WNK1: variants seen among roughly 807,000 people sequenced by gnomAD.
The protein encoded by WNK1 is serine/threonine-protein kinase WNK1.
Under a neutral mutation model 222.8 loss-of-function variants are expected in WNK1, and 38 were observed. The ratio of observed to expected loss-of-function variants is 0.17; its 90% confidence interval spans 0.13 to 0.22. WNK1 has a LOEUF of 0.22. Ranked by LOEUF, WNK1 falls within the 10% of genes least tolerant of loss-of-function variation. The pLI, the probability that WNK1 is intolerant of heterozygous loss-of-function variation, is 1.00. For synonymous variants in WNK1, 1,090 were observed against 1,092.9 expected, an observed-to-expected ratio of 1.00 and a Z score of 0.05; for missense variants, 2,348 against 2,918.4, an observed-to-expected ratio of 0.80 and a Z score of 4.50.
At chr12:906,203 A>G in intron 26 of WNK1, 2 of 701,852 alleles carry the variant, frequency 2.8e-6, no homozygotes, top group Non-Finnish European at 3.5e-6. Flanking sequence ...AGGAGCTTTT[A>G]TTTATTCTGT....
At position 911,246 on chromosome 12, in the gene WNK1, T is replaced by C. The variant is rs1173316969; in HGVS notation, c.*2454T>C. The C allele has an allele frequency of 2.5e-6, 1 of 398,468 alleles. No homozygotes were observed. Among genetic ancestry groups the C allele is most frequent in the Non-Finnish European group, 4.4e-6 (1 of 226,046 alleles). 24.7% of individuals were successfully genotyped at this position (398,468 alleles called of 1,614,324 possible). A position where few individuals can be genotyped will look rare whatever the true frequency, so the allele number is the denominator to read the frequency against. On this transcript the variant is annotated 3_prime_UTR_variant, in exon 28 of 28. Transcript: ENST00000315939. ...TAAAAACTTTCTGAATTATAAATGT[T>C]TTCCTTACATTATTTAACAATGTAC...
At chr12:906,401 A>G in intron 26 of WNK1, 1 of 985,262 alleles carries the variant, frequency 1.0e-6, no homozygotes, top group Non-Finnish European at 1.2e-6. Flanking sequence ...CCTTCATCAT[A>G]ACCGCAAAGC....
intron 4 of WNK1, among the ~76,000 whole-genome samples, chr12:846,296 A>C (rs1441080318): frequency 2.6e-5 from 4 of 152,188 alleles, no homozygotes; most frequent in African/African-American, 9.7e-5. Flanking sequence ...AGTCTATGCC[A>C]CTGATAATGA....
chr12:900,663 A>C lies in WNK1; in HGVS notation c.6636A>C (p.Pro2212=). The change falls in exon 26 of 28, where the codon CCA becomes CCC. Residue 2212 remains proline, a synonymous_variant. Coordinates refer to ENST00000315939, the MANE Select transcript of WNK1 (RefSeq NM_018979.4). The part of the protein sequence containing the change: ...GAISVPSLSA[P]GQGTSSTNTV... ...TTTCAGTACCAAGCCTTTCTGCTCCAGGTCAAGGTAATAAAGCAACCATCA... is the reference window on the plus strand; with the variant it reads ...TTTCAGTACCAAGCCTTTCTGCTCCCGGTCAAGGTAATAAAGCAACCATCA... 6.2e-7 allele frequency: 1 copy of C among 1,614,212 alleles called. No homozygotes were observed. The highest frequency in any genetic ancestry group is 1.6e-4 in the Middle Eastern group (1 of 6,062).
chr12:807,223 C>T (rs894301724), intron 1 of WNK1, among the ~76,000 whole-genome samples: 10 of 151,182 alleles, frequency 6.6e-5, no homozygotes, highest in African/African-American at 2.4e-4. Flanking sequence ...CTTTGGGAGG[C>T]CAAGGCAGAG....
intron 1 of WNK1, among the ~76,000 whole-genome samples, chr12:804,383 T>C (rs970460740): frequency 2.4e-4 from 37 of 152,066 alleles, no homozygotes; most frequent in African/African-American, 8.5e-4. Context: ...CTATCATCCA[T>C]ATCTAGAACT....
At chr12:848,781 A>G (rs1367402530) in intron 4 of WNK1, among the ~76,000 whole-genome samples, 1 of 152,020 alleles carries the variant, frequency 6.6e-6, no homozygotes, top group Non-Finnish European at 1.5e-5. Flanking sequence ...AGATATGTAA[A>G]CTGTTATCTG....
chr12:908,467 G>A lies in WNK1; in HGVS notation c.6832-8G>A, dbSNP rs772178712. ...ACCAGACTTGACACGTGGTGGTTTT[G>A]TTTTCAGGGCCCTGGAATGGCAAGG... On this transcript the variant is annotated splice_polypyrimidine_tract_variant and splice_region_variant and intron_variant, in intron 27 of 27. Coordinates refer to ENST00000315939, the MANE Select transcript of WNK1 (RefSeq NM_018979.4). 5 of 1,614,050 alleles carry A rather than the reference G, an allele frequency of 3.1e-6. No homozygotes were observed. In the African/African-American group the frequency reaches 6.7e-5, roughly 22 times the overall value.
chr12:875,541 G>T (rs1952528698), intron 9 of WNK1, among the ~76,000 whole-genome samples: 1 of 152,086 alleles, frequency 6.6e-6, no homozygotes, highest in South Asian at 2.1e-4. Flanking sequence ...CTATTCTGAG[G>T]ACTGTATGTG....
intron 1 of WNK1, among the ~76,000 whole-genome samples, chr12:806,471 T>C (rs1169074711): frequency 2.0e-5 from 3 of 152,198 alleles, no homozygotes; most frequent in East Asian, 3.8e-4. Context: ...TGAAGATTCT[T>C]GTACTTCAGC....
In WNK1 at chr12:777,194, C is replaced by T. The variant is rs557848759; in HGVS notation, c.759+22870C>T. 9.2e-5 allele frequency among the ~76,000 whole-genome samples: 13 copies of T among 141,698 alleles called. No individual in the cohort carries two copies. In the South Asian group the frequency reaches 1.8e-3, roughly 19 times the overall value. The allele number at this position is 141,698 out of a possible 152,430, so 93.0% of individuals were successfully genotyped here. On this transcript the variant is annotated intron_variant, in intron 1 of 27. Coordinates refer to ENST00000315939, the MANE Select transcript of WNK1 (RefSeq NM_018979.4). ...TGTTTTTTTTTTTGAGATGGAGTCT[C>T]GCTCTGTCACCAGGCTGGAGTGCAG...
intron 1 of WNK1, among the ~76,000 whole-genome samples, chr12:803,445 G>A (rs1381844444): frequency 6.6e-6 from 1 of 152,252 alleles, no homozygotes; most frequent in East Asian, 1.9e-4. Context: ...CTCTGGGGAT[G>A]TGGAGAGAAG....
chr12:793,856 C>T (rs1945063360), intron 1 of WNK1, among the ~76,000 whole-genome samples: 1 of 151,988 alleles, frequency 6.6e-6, no homozygotes, highest in South Asian at 2.1e-4. Context: ...ATTGTGCAAC[C>T]ATCACAGTAC....
chr12:869,164 A>G (rs1197817125), intron 8 of WNK1: 6 of 1,582,114 alleles, frequency 3.8e-6, no homozygotes, highest in Non-Finnish European at 4.3e-6. Context: ...TAACATTTAA[A>G]TTTTCTATTC....
At chr12:811,829 A>G (rs985117610) in intron 1 of WNK1, among the ~76,000 whole-genome samples, 1 of 152,172 alleles carries the variant, frequency 6.6e-6, no homozygotes, top group African/African-American at 2.4e-5. Flanking sequence ...GTTGTCATGC[A>G]TCTGTATTTC....
chr12:754,095 A>G lies in WNK1; in HGVS notation c.530A>G (p.Glu177Gly). 6.2e-7 allele frequency: 1 copy of G among 1,611,038 alleles called. No homozygotes were observed. The highest frequency in any genetic ancestry group is 8.5e-7 in the Non-Finnish European group (1 of 1,179,386). ...CCTAGCCTTGTGGGGAGCAAAGAGG[A>G]GCCGCCGCCGGCGAGAAGTGGCAGC... ...SQPSLVGSKE[E>G]PPPARSGSGG... Residue 177 changes from glutamate (E) to glycine (G), a missense_variant, in exon 1 of 28, where the codon GAG becomes GGG. Glu to Gly is a moderately conservative substitution (Grantham distance 98, BLOSUM62 -2). Transcript: ENST00000315939.
rs369948056 is a variant in WNK1 at position 825,229 on chromosome 12, A to G, written c.933-1813A>G. Reference sequence around the variant, plus strand: ...CTCCATCCAGCATGACTGTTTTGATATATTTTTTAAACCATAAAACCCACT... The same window carrying G: ...CTCCATCCAGCATGACTGTTTTGATGTATTTTTTAAACCATAAAACCCACT... On this transcript the variant is annotated intron_variant, in intron 2 of 27. Transcript: ENST00000315939. Among the ~76,000 whole-genome samples, 174 of 152,266 alleles carry G rather than the reference A, an allele frequency of 1.1e-3. 5 individuals carry two copies. In the South Asian group the frequency reaches 0.034, roughly 30 times the overall value.
chr12:815,938 C>T (rs939389196), intron 2 of WNK1, among the ~76,000 whole-genome samples: 1 of 152,162 alleles, frequency 6.6e-6, no homozygotes, highest in African/African-American at 2.4e-5. Context: ...GAAAGGTTAA[C>T]CTCCAGATAA....
intron 1 of WNK1, among the ~76,000 whole-genome samples, chr12:796,126 G>A (rs1342390470): frequency 6.6e-6 from 1 of 152,102 alleles, no homozygotes; most frequent in Admixed American, 6.6e-5. Context: ...TGCCCTTCCT[G>A]GCCTCCCAAA....
Sources: allele counts gnomAD v4.1 joint callset (sites outside exome capture counted in the v4.1 genomes callset), GRCh38; gene constraint gnomAD v4.1.1; transcripts MANE v1.5; gene names NCBI Gene and HGNC (gene_info 2026-07-23, HGNC 2026-07-21).